Variants in CEP63 observed in about 807,000 individuals in gnomAD.
The protein encoded by CEP63 is centrosomal protein 63.
In CEP63, 84 loss-of-function variants were observed where a neutral mutation model predicts 89.1. That is an observed-to-expected ratio of 0.94 (90% CI 0.79 to 1.13). The LOEUF is 1.13. Ranked by LOEUF, CEP63 falls within the 50% of genes most tolerant of loss-of-function variation. The pLI is 0.00. For synonymous variants in CEP63, 267 were observed against 272.5 expected (o/e 0.98, Z 0.20); for missense variants, 838 against 813.3 (o/e 1.03, Z -0.37).
the CEP63 span, among the ~76,000 whole-genome samples, chr3:134,682,219 T>G: frequency 1.3e-5 from 2 of 152,204 alleles, no homozygotes; most frequent in African/African-American, 4.8e-5. Flanking sequence ...GTCAGGAGAA[T>G]TAGTTCCTAA....
intron 1 of CEP63, among the ~76,000 whole-genome samples, chr3:134,490,990 T>C (rs886154831): frequency 2.6e-5 from 4 of 152,228 alleles, no homozygotes; most frequent in Non-Finnish European, 5.9e-5. Flanking sequence ...GATAGACACT[T>C]GTGTTATTTT....
At chr3:134,716,178 T>G in the CEP63 span, among the ~76,000 whole-genome samples, 1 of 152,340 alleles carries the variant, frequency 6.6e-6, no homozygotes, top group South Asian at 2.1e-4. Flanking sequence ...AAGATTCCAT[T>G]AATTACTCTG....
At chr3:134,772,049 G>A in the CEP63 span, among the ~76,000 whole-genome samples, 1 of 152,170 alleles carries the variant, frequency 6.6e-6, no homozygotes, top group South Asian at 2.1e-4. Context: ...AGATCAAGTT[G>A]CACACATCTT....
At chr3:134,533,480 C>T (rs1237785668) in intron 5 of CEP63, among the ~76,000 whole-genome samples, 1 of 152,196 alleles carries the variant, frequency 6.6e-6, no homozygotes, top group Admixed American at 6.5e-5. Flanking sequence ...GTAAGGCATT[C>T]ACTTCCTTCT....
the CEP63 span, chr3:134,608,598 C>T: frequency 3.7e-6 from 6 of 1,613,484 alleles, no homozygotes; most frequent in South Asian, 2.2e-5. Context: ...GAGGACAGTG[C>T]GAAATGCTCC....
At chr3:134,502,796 T>A (rs1260045382) in intron 2 of CEP63, among the ~76,000 whole-genome samples, 4 of 152,176 alleles carry the variant, frequency 2.6e-5, no homozygotes, top group African/African-American at 9.7e-5. Flanking sequence ...TTATTTCTGC[T>A]CTGATTTTAG....
At chr3:134,721,703 G>A in the CEP63 span, among the ~76,000 whole-genome samples, 2 of 152,022 alleles carry the variant, frequency 1.3e-5, no homozygotes, top group Non-Finnish European at 2.9e-5. Context: ...TTTGTCAAAT[G>A]CCTTTTATGC....
At chr3:134,577,055 G>A (rs1958231132), downstream of CEP63, among the ~76,000 whole-genome samples, 1 of 152,172 alleles carries the variant, frequency 6.6e-6, no homozygotes, top group Non-Finnish European at 1.5e-5. Flanking sequence ...GGACCATGAT[G>A]CATTACTGCA....
At chr3:134,535,500 C>CTTT (rs869231096) in intron 5 of CEP63, 82,007 of 143,118 alleles carry the variant, frequency 0.57, 24,611 homozygotes, top group East Asian at 0.81. Flanking sequence ...CTTTCCTTTC[C>CTTT]TTTTTTTTTT....
At chr3:134,642,867 G>C in the CEP63 span, among the ~76,000 whole-genome samples, 1 of 152,202 alleles carries the variant, frequency 6.6e-6, no homozygotes, top group Admixed American at 6.5e-5. Context: ...TTGAACACAT[G>C]ACAGCCTTTC....
the CEP63 span, chr3:134,627,918 C>A: frequency 1.2e-6 from 1 of 857,772 alleles, no homozygotes; most frequent in South Asian, 1.4e-5. Context: ...TTGACCCCTC[C>A]TCTTTACTCT....
chr3:134,738,381 T>C, the CEP63 span, among the ~76,000 whole-genome samples: 1 of 152,208 alleles, frequency 6.6e-6, no homozygotes, highest in Non-Finnish European at 1.5e-5. Context: ...AACCTGCGTG[T>C]GCAAGTATCT....
the CEP63 span, among the ~76,000 whole-genome samples, chr3:134,672,379 A>G: frequency 2.0e-5 from 3 of 152,224 alleles, no homozygotes; most frequent in Non-Finnish European, 2.9e-5. Context: ...TCTGGGTCTG[A>G]GCCTAAAAAC....
chr3:134,584,645 T>C (rs912025576), intron 10 of CEP63, among the ~76,000 whole-genome samples: 3 of 152,218 alleles, frequency 2.0e-5, no homozygotes, highest in Non-Finnish European at 4.4e-5. Flanking sequence ...TCCCTCTTTC[T>C]TATTATGTCT....
chr3:134,640,258 A>T, the CEP63 span, among the ~76,000 whole-genome samples: 136 of 152,270 alleles, frequency 8.9e-4, no homozygotes, highest in South Asian at 2.3e-3. Context: ...ACACCACCAG[A>T]TTGGTCCCTG....
At chr3:134,781,098 C>T in the CEP63 span, among the ~76,000 whole-genome samples, 3 of 152,082 alleles carry the variant, frequency 2.0e-5, no homozygotes, top group African/African-American at 7.2e-5. Context: ...ATATCAATTC[C>T]ATATTGTTTT....
chr3:134,733,540 A>C, the CEP63 span, among the ~76,000 whole-genome samples: 1 of 152,240 alleles, frequency 6.6e-6, no homozygotes, highest in African/African-American at 2.4e-5. Context: ...ATGAGGTTAT[A>C]CTGGGGTAGG....
chr3:134,581,354 T>A (rs1958342086), intron 10 of CEP63, among the ~76,000 whole-genome samples: 1 of 151,978 alleles, frequency 6.6e-6, no homozygotes, highest in Admixed American at 6.6e-5. Flanking sequence ...GCCAAGGCGG[T>A]GGATCACCTG....
Position 134,559,270 on chromosome 3 carries a change from CCT to C in CEP63, c.1795_1796del (p.Leu599GlufsTer20). The C allele has an allele frequency of 6.2e-7, 1 of 1,614,136 alleles. No individual in the cohort carries two copies. The highest frequency in any genetic ancestry group is 8.5e-7 in the Non-Finnish European group (1 of 1,180,016). ...INPMSRVLSP[L>X]SPQISPCSST... The stretch of plus-strand genomic sequence containing the variant: ...ACCCCATGTCTAGGGTGCTAAGCCC[CCT>C]GAGTCCTCAAATCAGCCCTTGCAGC... On this transcript the variant is annotated frameshift_variant, in exon 14 of 15. Coordinates refer to ENST00000675561, the MANE Select transcript of CEP63 (RefSeq NM_001353108.3). LOFTEE classifies it high-confidence loss of function.
Sources: allele counts gnomAD v4.1 joint callset (sites outside exome capture counted in the v4.1 genomes callset), GRCh38; gene constraint gnomAD v4.1.1; transcripts MANE v1.5; gene names NCBI Gene and HGNC (gene_info 2026-07-23, HGNC 2026-07-21).